Variants in SGIP1 observed in about 807,000 individuals in gnomAD.
SGIP1 encodes the protein SH3-containing GRB2-like protein 3-interacting protein 1.
A neutral mutation model predicts 107.5 loss-of-function variants in SGIP1; 38 were observed. The observed-to-expected ratio is 0.35, with a 90% confidence interval of 0.27 to 0.46. The LOEUF is 0.46. Ranked by LOEUF, SGIP1 falls within the 20% of genes least tolerant of loss-of-function variation. SGIP1 has a pLI of 1.00. For synonymous variants in SGIP1, 365 were observed against 366.1 expected, an observed-to-expected ratio of 1.00 and a Z score of 0.03; for missense variants, 929 against 1,019.5, an observed-to-expected ratio of 0.91 and a Z score of 1.21.
At chr1:66,570,999 T>C (rs1184465404) in intron 1 of SGIP1, among the ~76,000 whole-genome samples, 1 of 151,964 alleles carries the variant, frequency 6.6e-6, no homozygotes, top group Non-Finnish European at 1.5e-5. Flanking sequence ...AATCTGATGA[T>C]AAATCTTAGT....
intron 19 of SGIP1, among the ~76,000 whole-genome samples, chr1:66,727,572 C>T (rs1011516665): frequency 4.6e-5 from 7 of 152,230 alleles, no homozygotes; most frequent in African/African-American, 1.2e-4. Context: ...TACTAATACC[C>T]GTACACGCGT....
intron 1 of SGIP1, among the ~76,000 whole-genome samples, chr1:66,567,933 A>G (rs1273110203): frequency 6.6e-6 from 1 of 152,174 alleles, no homozygotes; most frequent in East Asian, 1.9e-4. Flanking sequence ...GAAGTCAGGT[A>G]GCATGATGCC....
rs1410383165 is a variant in SGIP1, at chr1:66,588,095, G to T, written c.11-37752G>T. Among the ~76,000 whole-genome samples the T allele has an allele frequency of 1.3e-5, 2 of 152,100 alleles. 1 individual carries two copies. The highest frequency in any genetic ancestry group is 2.9e-5 in the Non-Finnish European group (2 of 68,004). On this transcript the variant is annotated intron_variant, in intron 1 of 24. Coordinates refer to ENST00000371037, the MANE Select transcript of SGIP1 (RefSeq NM_032291.4). ...AACAAAATCTGCTGAAGTATTTATG[G>T]AAGTATGCTCTGTTTGTTATTTAGA...
At chr1:66,598,694 T>G (rs72918417) in intron 1 of SGIP1, among the ~76,000 whole-genome samples, 5,921 of 152,182 alleles carry the variant, frequency 0.039, 400 homozygotes, top group African/African-American at 0.14. Flanking sequence ...TGCCACACAC[T>G]TTTGAACAAC....
Position 66,743,153 on chromosome 1 carries a change from A to G in SGIP1, c.*58A>G. On this transcript the variant is annotated 3_prime_UTR_variant, in exon 25 of 25. Coordinates refer to ENST00000371037, the MANE Select transcript of SGIP1 (RefSeq NM_032291.4). ...ATAATGGAGAACTGATGTATGAGAA[A>G]CAGATTTTAATTTTGGTTTGATGAA... The G allele has an allele frequency of 6.3e-7, 1 of 1,587,818 alleles. No homozygotes were observed. Among genetic ancestry groups the G allele is most frequent in the Non-Finnish European group, 8.6e-7 (1 of 1,160,444 alleles).
intron 7 of SGIP1, among the ~76,000 whole-genome samples, chr1:66,657,599 G>C (rs1397577644): frequency 2.6e-5 from 4 of 152,100 alleles, no homozygotes; most frequent in African/African-American, 9.7e-5. Context: ...CAGAGAGAGA[G>C]ACTCTCCAGC....
intron 1 of SGIP1, among the ~76,000 whole-genome samples, chr1:66,578,495 G>A (rs1009873888): frequency 1.3e-5 from 2 of 152,072 alleles, no homozygotes; most frequent in African/African-American, 4.8e-5. Flanking sequence ...ATTTCACATA[G>A]CCCATCCCTC....
intron 2 of SGIP1, among the ~76,000 whole-genome samples, chr1:66,627,790 G>A (rs2073231658): frequency 1.3e-5 from 2 of 152,102 alleles, no homozygotes; most frequent in East Asian, 1.9e-4. Context: ...GGTACAATGT[G>A]CACAACGTGC....
At chr1:66,539,476 T>C (rs2054382172) in intron 1 of SGIP1, among the ~76,000 whole-genome samples, 2 of 152,184 alleles carry the variant, frequency 1.3e-5, no homozygotes, top group African/African-American at 4.8e-5. Flanking sequence ...AGATCTGATA[T>C]TAGAAAGATA....
At chr1:66,541,086 T>C (rs961053389) in intron 1 of SGIP1, among the ~76,000 whole-genome samples, 8 of 152,260 alleles carry the variant, frequency 5.3e-5, no homozygotes, top group African/African-American at 1.9e-4. Context: ...ATGTTGTTTA[T>C]TCTGCATCCA....
chr1:66,750,414 A>G lies in SGIP1; in HGVS notation c.*7319A>G, dbSNP rs2094608857. On this transcript the variant is annotated 3_prime_UTR_variant, in exon 25 of 25. Coordinates refer to ENST00000371037, the MANE Select transcript of SGIP1 (RefSeq NM_032291.4). ...CTCAGAAAGATTTTGCTGTGTTTCTATAGGTAATGAAATCCTGTCAATTAA... is the reference window on the plus strand; with the variant it reads ...CTCAGAAAGATTTTGCTGTGTTTCTGTAGGTAATGAAATCCTGTCAATTAA... Among the ~76,000 whole-genome samples the G allele has an allele frequency of 1.3e-5, 2 of 152,190 alleles. No homozygotes were observed. Among genetic ancestry groups the G allele is most frequent in the Non-Finnish European group, 2.9e-5 (2 of 68,012 alleles).
chr1:66,567,540 G>T (rs977225472), intron 1 of SGIP1, among the ~76,000 whole-genome samples: 3 of 152,014 alleles, frequency 2.0e-5, no homozygotes, highest in Non-Finnish European at 4.4e-5. Flanking sequence ...CATTTTTGTT[G>T]CAATGGCTTT....
intron 18 of SGIP1, among the ~76,000 whole-genome samples, chr1:66,714,958 G>A (rs1014123871): frequency 6.6e-6 from 1 of 152,092 alleles, no homozygotes; most frequent in African/African-American, 2.4e-5. Flanking sequence ...ACTCTCTGAG[G>A]TGCTATGGGG....
chr1:66,715,448 A>ATAGCTAGAG (rs1266545060), intron 18 of SGIP1, among the ~76,000 whole-genome samples: 2 of 151,858 alleles, frequency 1.3e-5, no homozygotes, highest in African/African-American at 4.8e-5. Flanking sequence ...AGAAGTTAAC[A>ATAGCTAGAG]TAGCTAGAGG....
chr1:66,585,430 C>T (rs2062452649), intron 1 of SGIP1, among the ~76,000 whole-genome samples: 2 of 152,108 alleles, frequency 1.3e-5, no homozygotes, highest in Non-Finnish European at 2.9e-5. Flanking sequence ...TTTCCTTCTG[C>T]ATGGAATAGG....
intron 1 of SGIP1, among the ~76,000 whole-genome samples, chr1:66,623,457 G>A (rs956529306): frequency 1.2e-4 from 18 of 151,988 alleles, no homozygotes; most frequent in Non-Finnish European, 7.4e-5. Flanking sequence ...CACCATGTTG[G>A]CCAGGCTGGT....
chr1:66,585,630 G>A (rs2062498715), intron 1 of SGIP1, among the ~76,000 whole-genome samples: 2 of 149,950 alleles, frequency 1.3e-5, no homozygotes, highest in African/African-American at 4.9e-5. Context: ...TTTACACCCA[G>A]CTAATTTTTG....
rs536157166 is a variant in SGIP1, at chr1:66,746,291, T to C, written c.*3196T>C. The C allele has an allele frequency of 1.3e-5, 2 of 152,298 alleles. No homozygotes were observed. Among genetic ancestry groups the C allele is most frequent in the Admixed American group, 1.3e-4 (2 of 15,304 alleles). 9.4% of individuals were successfully genotyped at this position (152,298 alleles called of 1,614,324 possible). A position where few individuals can be genotyped will look rare whatever the true frequency, so the allele number is the denominator to read the frequency against. ...TTGCCAGTGGTTTTCAAGCTTTTCTTAACAGCAGGGCTTTTTTTCTAATAA... is the reference window on the plus strand; with the variant it reads ...TTGCCAGTGGTTTTCAAGCTTTTCTCAACAGCAGGGCTTTTTTTCTAATAA... On this transcript the variant is annotated 3_prime_UTR_variant, in exon 25 of 25. Coordinates refer to ENST00000371037, the MANE Select transcript of SGIP1 (RefSeq NM_032291.4).
At chr1:66,625,558 C>A (rs887391684) in intron 1 of SGIP1, among the ~76,000 whole-genome samples, 21 of 152,174 alleles carry the variant, frequency 1.4e-4, no homozygotes, top group Middle Eastern at 3.2e-3. Context: ...GGGTGATGAA[C>A]AACAGTAGTC....
Sources: gnomAD v4.1 joint callset for allele counts (sites outside exome capture counted in the v4.1 genomes callset) on GRCh38, gnomAD v4.1.1 for gene constraint, MANE v1.5 for transcripts, NCBI Gene and HGNC (gene_info 2026-07-23, HGNC 2026-07-21) for gene names.